The following SYT14 variants were observed in gnomAD, a reference collection of about 807,000 sequenced individuals.
SYT14 encodes synaptotagmin-14.
SYT14 carries 32 observed loss-of-function variants against 74.2 expected under a neutral mutation model. The observed-to-expected ratio is 0.43, with a 90% CI of 0.33 to 0.58. The LOEUF (loss-of-function observed/expected upper bound fraction) is 0.58. Ranked by LOEUF, SYT14 falls within the 20% of genes least tolerant of loss-of-function variation. The probability of loss-of-function intolerance (pLI) is 0.05; values close to 1 mark genes in which losing one functional copy is unlikely to be tolerated. For synonymous variants in SYT14, 298 were observed against 337.7 expected (o/e 0.88, Z 1.29); for missense variants, 791 against 981.8 (o/e 0.81, Z 2.60).
intron 5 of SYT14, among the ~76,000 whole-genome samples, chr1:210,083,333 A>G (rs1043674363): frequency 7.2e-5 from 11 of 152,342 alleles, no homozygotes; most frequent in Non-Finnish European, 1.3e-4. Context: ...TAAATTAATT[A>G]AAGATTAGAC....
intron 7 of SYT14, among the ~76,000 whole-genome samples, chr1:210,113,277 G>A (rs574079578): frequency 3.8e-4 from 58 of 151,200 alleles, no homozygotes; most frequent in Admixed American, 1.2e-3. Flanking sequence ...GATCTGTGGG[G>A]TCAGCTAGGT....
At chr1:210,115,894 A>G (rs1346682769) in intron 7 of SYT14, among the ~76,000 whole-genome samples, 1 of 151,280 alleles carries the variant, frequency 6.6e-6, no homozygotes, top group African/African-American at 2.5e-5. Flanking sequence ...TGTGAGCAAT[A>G]AAGCTTTTTA....
chr1:210,055,307 G>A (rs939753634), intron 5 of SYT14, among the ~76,000 whole-genome samples: 1 of 152,122 alleles, frequency 6.6e-6, no homozygotes, highest in African/African-American at 2.4e-5. Context: ...CTTGGGATAT[G>A]ATAGTTCTGA....
At chr1:209,962,845 T>C (rs971888416) in intron 2 of SYT14, among the ~76,000 whole-genome samples, 3 of 152,112 alleles carry the variant, frequency 2.0e-5, no homozygotes, top group African/African-American at 7.2e-5. Flanking sequence ...TGTACCTCAC[T>C]AAGTTCTCCT....
chr1:210,044,254 T>C (rs1429563805), intron 5 of SYT14, among the ~76,000 whole-genome samples: 1 of 152,244 alleles, frequency 6.6e-6, no homozygotes, highest in Non-Finnish European at 1.5e-5. Flanking sequence ...TCCATTTTTC[T>C]CATACTTTTA....
At chr1:209,984,027 C>CA in intron 2 of SYT14, among the ~76,000 whole-genome samples, 1 of 152,096 alleles carries the variant, frequency 6.6e-6, no homozygotes, top group East Asian at 1.9e-4. Context: ...TGTCTGGATC[C>CA]AAAAAAACCA....
At chr1:210,132,491 C>A (rs532436434) in intron 7 of SYT14, among the ~76,000 whole-genome samples, 2 of 151,884 alleles carry the variant, frequency 1.3e-5, no homozygotes, top group East Asian at 3.9e-4. Context: ...TATTTCATCA[C>A]CCTTAATTGG....
chr1:210,140,954 T>C (rs1488363075), intron 7 of SYT14, among the ~76,000 whole-genome samples: 1 of 151,932 alleles, frequency 6.6e-6, no homozygotes, highest in Non-Finnish European at 1.5e-5. Context: ...CTTGTTATTG[T>C]TTTTCAAGAT....
intron 1 of SYT14, among the ~76,000 whole-genome samples, chr1:209,939,436 G>GAGTT (rs2078693252): frequency 1.3e-5 from 2 of 152,250 alleles, no homozygotes; most frequent in Non-Finnish European, 2.9e-5. Flanking sequence ...CTCCAAAGTA[G>GAGTT]AGTTAGCTGT....
intron 4 of SYT14, among the ~76,000 whole-genome samples, chr1:210,017,354 C>G (rs550215043): frequency 5.3e-5 from 8 of 152,152 alleles, no homozygotes; most frequent in African/African-American, 1.2e-4. Flanking sequence ...TTCAGCAGCC[C>G]TAGTTTTTCT....
At chr1:209,995,391 G>A (rs1037150301) in intron 2 of SYT14, among the ~76,000 whole-genome samples, 1 of 151,976 alleles carries the variant, frequency 6.6e-6, no homozygotes, top group Non-Finnish European at 1.5e-5. Flanking sequence ...AACAATGAAG[G>A]ACATTACATA....
At chr1:210,080,269 C>T (rs2081594027) in intron 5 of SYT14, among the ~76,000 whole-genome samples, 1 of 152,130 alleles carries the variant, frequency 6.6e-6, no homozygotes, top group Admixed American at 6.5e-5. Context: ...AAACACCCTC[C>T]AGTGTCCCCT....
chr1:210,087,892 T>A (rs2081770577), intron 5 of SYT14, among the ~76,000 whole-genome samples: 3 of 152,166 alleles, frequency 2.0e-5, no homozygotes, highest in Non-Finnish European at 2.9e-5. Flanking sequence ...CCCCACTCAG[T>A]GGCTTTAGGG....
chr1:209,993,492 C>A (rs551254745), intron 2 of SYT14, among the ~76,000 whole-genome samples: 1 of 152,344 alleles, frequency 6.6e-6, no homozygotes, highest in African/African-American at 2.4e-5. Context: ...CTGTGGCCAG[C>A]ACATGAGCTG....
chr1:210,013,822 T>G, intron 3 of SYT14, 25 bp downstream of exon 3: 1 of 1,605,328 alleles, frequency 6.2e-7, no homozygotes, highest in South Asian at 1.1e-5. Flanking sequence ...GCTGCTTCTC[T>G]TGTTTGTTCT....
intron 5 of SYT14, among the ~76,000 whole-genome samples, chr1:210,075,622 C>T (rs909632829): frequency 2.6e-5 from 4 of 152,210 alleles, no homozygotes; most frequent in South Asian, 2.1e-4. Context: ...CATGAGCCAC[C>T]GTGCCTGGCC....
At chr1:210,005,311 T>A (rs1387507202) in intron 2 of SYT14, among the ~76,000 whole-genome samples, 1 of 151,906 alleles carries the variant, frequency 6.6e-6, no homozygotes, top group East Asian at 1.9e-4. Context: ...ATGAAACTGC[T>A]TGGTATTTAT....
chr1:210,074,088 T>TA (rs1157567588), intron 5 of SYT14, among the ~76,000 whole-genome samples: 2 of 152,078 alleles, frequency 1.3e-5, no homozygotes, highest in African/African-American at 4.8e-5. Context: ...GAACACTAAA[T>TA]AAAAAATGAA....
chr1:210,157,103 C>T (rs887347142), intron 8 of SYT14, among the ~76,000 whole-genome samples: 3 of 152,032 alleles, frequency 2.0e-5, no homozygotes, highest in Non-Finnish European at 4.4e-5. Context: ...AGAATTCTCA[C>T]AGACTTACTT....
Sources: allele counts gnomAD v4.1 joint callset (sites outside exome capture counted in the v4.1 genomes callset), GRCh38; gene constraint gnomAD v4.1.1; transcripts MANE v1.5; gene names NCBI Gene and HGNC (gene_info 2026-07-23, HGNC 2026-07-21).